The following ARPP21 variants were observed in gnomAD, a reference collection of about 807,000 sequenced individuals.
ARPP21 encodes the protein cAMP regulated phosphoprotein 21.
A neutral mutation model predicts 113.2 loss-of-function variants in ARPP21; 69 were observed. The observed-to-expected ratio is 0.61, with a 90% confidence interval of 0.50 to 0.74. ARPP21 has a LOEUF of 0.74. Ranked by LOEUF, ARPP21 falls within the 30% of genes least tolerant of loss-of-function variation. The pLI, the probability that ARPP21 is intolerant of heterozygous loss-of-function variation, is 0.00. For synonymous variants in ARPP21, 368 were observed against 375.5 expected, an observed-to-expected ratio of 0.98 and a Z score of 0.23; for missense variants, 1,070 against 1,037.4, an observed-to-expected ratio of 1.03 and a Z score of -0.43.
intron 12 of ARPP21, among the ~76,000 whole-genome samples, chr3:35,716,477 T>C (rs147405556): frequency 1.6e-4 from 24 of 152,108 alleles, no homozygotes; most frequent in African/African-American, 5.8e-4. Context: ...AACCCCTTAA[T>C]AGAATAACCT....
At chr3:35,760,487 C>T (rs2095729506) in intron 19 of ARPP21, among the ~76,000 whole-genome samples, 1 of 151,706 alleles carries the variant, frequency 6.6e-6, no homozygotes, top group South Asian at 2.1e-4. Flanking sequence ...TTGAAATCAC[C>T]ACAGATGGCT....
intron 1 of ARPP21, among the ~76,000 whole-genome samples, chr3:35,644,692 G>C (rs1699501068): frequency 6.6e-6 from 1 of 151,868 alleles, no homozygotes; most frequent in Non-Finnish European, 1.5e-5. Flanking sequence ...AAACAAAGGG[G>C]TTTGTTTGAA....
At chr3:35,721,936 G>T in intron 14 of ARPP21, 102 bp downstream of exon 14, 1 of 703,838 alleles carries the variant, frequency 1.4e-6, no homozygotes, top group Non-Finnish European at 2.3e-6. Flanking sequence ...TGATAATGAT[G>T]ATATTAATCA....
At chr3:35,650,030 A>G (rs1701784807) in intron 1 of ARPP21, among the ~76,000 whole-genome samples, 1 of 152,118 alleles carries the variant, frequency 6.6e-6, no homozygotes, top group African/African-American at 2.4e-5. Flanking sequence ...CAGACACACA[A>G]ACAAAAAACA....
chr3:35,684,474 C>A, intron 5 of ARPP21: 1 of 983,726 alleles, frequency 1.0e-6, no homozygotes, highest in Non-Finnish European at 1.2e-6. Context: ...TATTTCATGA[C>A]AAAATGGGAA....
At chr3:35,780,042 A>C (rs1198923018) in intron 19 of ARPP21, among the ~76,000 whole-genome samples, 1 of 152,228 alleles carries the variant, frequency 6.6e-6, no homozygotes, top group East Asian at 1.9e-4. Context: ...CTATTGTGAT[A>C]ATGATAAATC....
chr3:35,674,369 G>A (rs1410940037), intron 1 of ARPP21, among the ~76,000 whole-genome samples: 1 of 151,878 alleles, frequency 6.6e-6, no homozygotes. Flanking sequence ...AAGTACCTGT[G>A]AAATTTGTTT....
Position 35,792,532 on chromosome 3 carries a change from T to A in ARPP21, c.2286+2T>A. On this transcript the variant is annotated splice_donor_variant, in intron 20 of 20. Coordinates refer to ENST00000684406, the MANE Select transcript of ARPP21 (RefSeq NM_001385562.1). LOFTEE classifies it high-confidence loss of function. Reference sequence around the variant, plus strand: ...TACCCAACAATGTCTTCTTATCAGGTGCTCATAAGCAGCTTGGAAAATTGT... The same window carrying A: ...TACCCAACAATGTCTTCTTATCAGGAGCTCATAAGCAGCTTGGAAAATTGT... The A allele has an allele frequency of 6.2e-7, 1 of 1,614,004 alleles. No homozygotes were observed. The highest frequency in any genetic ancestry group is 2.2e-5 in the East Asian group (1 of 44,868).
At chr3:35,757,213 C>T (rs1306992206) in intron 19 of ARPP21, among the ~76,000 whole-genome samples, 3 of 150,728 alleles carry the variant, frequency 2.0e-5, no homozygotes, top group Admixed American at 2.0e-4. Flanking sequence ...CACCCGCCAC[C>T]ACATCTGGCT....
chr3:35,785,113 C>A (rs895600063), intron 19 of ARPP21: 1 of 152,178 alleles, frequency 6.6e-6, no homozygotes, highest in African/African-American at 2.4e-5. Flanking sequence ...TCCATTTTGA[C>A]TTTGCCCCAA....
chr3:35,654,424 C>A (rs1218093692), intron 1 of ARPP21, among the ~76,000 whole-genome samples: 3 of 152,032 alleles, frequency 2.0e-5, no homozygotes, highest in Non-Finnish European at 4.4e-5. Flanking sequence ...TCTTCTGCCC[C>A]ATGGGGGAGA....
At chr3:35,748,650 A>G (rs1447691084) in intron 19 of ARPP21, among the ~76,000 whole-genome samples, 1 of 152,252 alleles carries the variant, frequency 6.6e-6, no homozygotes, top group Non-Finnish European at 1.5e-5. Flanking sequence ...ACCTTCAGAT[A>G]TTGAAATGAA....
intron 15 of ARPP21, among the ~76,000 whole-genome samples, chr3:35,733,723 ATCT>A (rs2094154835): frequency 6.6e-6 from 1 of 152,148 alleles, no homozygotes; most frequent in Non-Finnish European, 1.5e-5. Context: ...TCTAGCATCC[ATCT>A]TCTTTTATGT....
chr3:35,786,060 A>C (rs1174439256), intron 19 of ARPP21, among the ~76,000 whole-genome samples: 2 of 152,232 alleles, frequency 1.3e-5, no homozygotes, highest in African/African-American at 4.8e-5. Context: ...AAAGGGAAAA[A>C]AGCAATTTCT....
At chr3:35,691,232 A>G (rs1418844811) in intron 9 of ARPP21, among the ~76,000 whole-genome samples, 2 of 151,814 alleles carry the variant, frequency 1.3e-5, no homozygotes, top group South Asian at 2.1e-4. Context: ...GCTCTTTTAC[A>G]TAGCTCCTGA....
intron 19 of ARPP21, among the ~76,000 whole-genome samples, chr3:35,764,008 A>G (rs2095868163): frequency 6.6e-6 from 1 of 152,094 alleles, no homozygotes; most frequent in African/African-American, 2.4e-5. Context: ...CTCCAAACAA[A>G]CAAACAACCA....
At chr3:35,657,207 C>G (rs1387609125) in intron 1 of ARPP21, among the ~76,000 whole-genome samples, 1 of 152,072 alleles carries the variant, frequency 6.6e-6, no homozygotes. Context: ...AACTGACAGC[C>G]TAGAACTTTC....
intron 18 of ARPP21, among the ~76,000 whole-genome samples, chr3:35,742,732 CAAAAT>C (rs2094747278): frequency 6.6e-6 from 1 of 152,084 alleles, no homozygotes; most frequent in Non-Finnish European, 1.5e-5. Context: ...AATCAGAAAA[CAAAAT>C]AACCATGAAA....
At chr3:35,708,233 G>A (rs1023092816) in intron 10 of ARPP21, among the ~76,000 whole-genome samples, 1 of 152,124 alleles carries the variant, frequency 6.6e-6, no homozygotes, top group Admixed American at 6.5e-5. Flanking sequence ...GTGAGGAATG[G>A]AAAGAATAGA....
Sources: gnomAD v4.1 joint callset for allele counts (sites outside exome capture counted in the v4.1 genomes callset) on GRCh38, gnomAD v4.1.1 for gene constraint, MANE v1.5 for transcripts, NCBI Gene and HGNC (gene_info 2026-07-23, HGNC 2026-07-21) for gene names.